The following SLC29A1 variants were observed in gnomAD, a reference collection of about 807,000 sequenced individuals.
The protein encoded by SLC29A1 is equilibrative nucleoside transporter 1.
In SLC29A1, 22 loss-of-function variants were observed where a neutral mutation model predicts 48.3. The ratio of observed to expected loss-of-function variants is 0.46; its 90% CI spans 0.33 to 0.65. The LOEUF (loss-of-function observed/expected upper bound fraction) is 0.65. Among genes scored for constraint, SLC29A1 ranks in the 30% least tolerant of loss-of-function variants. The pLI, the probability that SLC29A1 is intolerant of heterozygous loss-of-function variation, is 0.03. For missense variants in SLC29A1, 491 were observed against 575.3 expected, an observed-to-expected ratio of 0.85 and a Z score of 1.50; for synonymous variants, 228 against 231.0, an observed-to-expected ratio of 0.99 and a Z score of 0.12.
Position 44,230,611 on chromosome 6 carries a change from A to G in SLC29A1, c.633A>G (p.Thr211=), listed in dbSNP as rs76182139. ...AAAGTGCCTTCGGCTACTTTATCAC[A>G]GCCTGTGCTGTTATCATTTTGACCA... is the stretch of plus-strand genomic sequence containing the variant. ...LSESAFGYFI[T]ACAVIILTII... Residue 211 remains threonine, a synonymous_variant, in exon 7 of 13, where the codon ACA becomes ACG. Transcript: ENST00000371755. The G allele has an allele frequency of 1.2e-6, 2 of 1,611,212 alleles. No individual in the cohort carries two copies. The highest frequency in any genetic ancestry group is 1.7e-6 in the Non-Finnish European group (2 of 1,179,370).
chr6:44,233,980 CTG>C lies in SLC29A1; in HGVS notation c.*456_*457del, dbSNP rs1779418746. On this transcript the variant is annotated 3_prime_UTR_variant, in exon 13 of 13. Transcript: ENST00000371755. ...TCCATTCTCCCCTGCGCCTCCTCCT[CTG>C]TGTTCTCTCCATGTCCCCCTCCCAA... 1.2e-5 allele frequency: 2 copies of C among 170,162 alleles called. No individual in the cohort carries two copies. Among genetic ancestry groups the C allele is most frequent in the South Asian group, 2.9e-4 (2 of 6,938 alleles). The allele number at this position is 170,162 out of a possible 1,614,324, so 10.5% of individuals were successfully genotyped here.
Position 44,227,255 on chromosome 6 carries a change from C to T in SLC29A1, c.-51-8C>T, listed in dbSNP as rs769844794. On this transcript the variant is annotated splice_region_variant and splice_polypyrimidine_tract_variant and intron_variant, in intron 1 of 12. Coordinates refer to ENST00000371755, the MANE Select transcript of SLC29A1 (RefSeq NM_001372327.1). Reference sequence around the variant, plus strand: ...GACAGGGCCTCACACTGTTCCTGCCCCCAGCAGGCCCCTGAGGGAGGGAGC... The same window carrying T: ...GACAGGGCCTCACACTGTTCCTGCCTCCAGCAGGCCCCTGAGGGAGGGAGC... 22 of 1,612,530 alleles carry T rather than the reference C, an allele frequency of 1.4e-5. No homozygotes were observed. The Admixed American group carries it at 1.5e-4, about 11-fold the overall frequency.
chr6:44,220,531 A>C (rs1447379925), upstream of SLC29A1, among the ~76,000 whole-genome samples: 1 of 149,656 alleles, frequency 6.7e-6, no homozygotes, highest in Non-Finnish European at 1.5e-5. Context: ...TATTTTGGTA[A>C]GGGCTGGGTG....
intron 6 of SLC29A1, 41 bp from the exon 7 acceptor site, chr6:44,230,527 G>A (rs768305700): frequency 6.2e-7 from 1 of 1,614,068 alleles, no homozygotes; most frequent in Non-Finnish European, 8.5e-7. Context: ...GTGGTGGGGA[G>A]AGGGGATGGG....
chr6:44,227,354 G>A lies in SLC29A1; in HGVS notation c.29+12G>A. On this transcript the variant is annotated intron_variant, in intron 2 of 12. Coordinates refer to ENST00000371755, the MANE Select transcript of SLC29A1 (RefSeq NM_001372327.1). ...CAGCCTCAGGACAGGTAAGGGGTAA[G>A]GGGCTGGGCTGTGGATCCAGGGAAT... 1.2e-6 allele frequency: 2 copies of A among 1,611,734 alleles called. No homozygotes were observed. The highest frequency in any genetic ancestry group is 1.7e-6 in the Non-Finnish European group (2 of 1,177,888).
Position 44,230,858 on chromosome 6 carries a change from G to A in SLC29A1, c.735G>A (p.Glu245=). Reference sequence around the variant, plus strand: ...AGCTCAAGCTTGAAGGACCCGGGGAGCAGGAGACCAAGTTGGACCTCATTA... The same window carrying A: ...AGCTCAAGCTTGAAGGACCCGGGGAACAGGAGACCAAGTTGGACCTCATTA... ...YQQLKLEGPG[E]QETKLDLISK... The change falls in exon 8 of 13, where the codon GAG becomes GAA. Residue 245 remains glutamate, a synonymous_variant. Transcript: ENST00000371755. 1.2e-6 allele frequency: 2 copies of A among 1,614,170 alleles called. No homozygotes were observed. Among genetic ancestry groups the A allele is most frequent in the Non-Finnish European group, 1.7e-6 (2 of 1,180,006 alleles).
In SLC29A1 at chr6:44,233,492, G is replaced by A; in HGVS notation, c.1335G>A (p.Gly445=). The A allele has an allele frequency of 6.2e-7, 1 of 1,614,102 alleles. No homozygotes were observed. Among genetic ancestry groups the A allele is most frequent in the Non-Finnish European group, 8.5e-7 (1 of 1,179,956 alleles). Residue 445 remains glycine, a synonymous_variant, in exon 13 of 13, where the codon GGG becomes GGA. Transcript: ENST00000371755. ...TCCTGTGTCTGGGTCTGGCACTGGG[G>A]GCTGTTTTCTCCTTCCTGTTCCGGG... ...AFFLCLGLAL[G]AVFSFLFRAI...
In SLC29A1 at chr6:44,230,638, C is replaced by T; in HGVS notation, c.660C>T (p.Ile220=). 2 of 1,607,346 alleles carry T rather than the reference C, an allele frequency of 1.2e-6. No homozygotes were observed. Among genetic ancestry groups the T allele is most frequent in the Non-Finnish European group, 1.7e-6 (2 of 1,176,840 alleles). Residue 220 remains isoleucine (I), a synonymous_variant, in exon 7 of 13, where the codon ATC becomes ATT. Coordinates refer to ENST00000371755, the MANE Select transcript of SLC29A1 (RefSeq NM_001372327.1). ...ITACAVIILT[I]ICYLGLPRLE... is the part of the protein sequence containing the mutation. ...CCTGTGCTGTTATCATTTTGACCAT[C>T]ATCTGTTACCTGGGCCTGCCCCGCC... is the stretch of plus-strand genomic sequence containing the variant.
At position 44,232,304 on chromosome 6, in the gene SLC29A1, C is replaced by T. The variant is rs763685318; in HGVS notation, c.974-39C>T. The stretch of plus-strand genomic sequence containing the variant: ...AAGGTTAGGCTTGCTATACCTGCCT[C>T]TGTGAGCCTGATAACCACCCGTTCA... On this transcript the variant is annotated intron_variant, in intron 10 of 12. Transcript: ENST00000371755. This position sits in a 1 kb window ranked among gnomAD's most constrained non-coding sequence, Gnocchi z 4.7. 6.9e-7 allele frequency: 1 copy of T among 1,447,764 alleles called. No homozygotes were observed. Among genetic ancestry groups the T allele is most frequent in the Non-Finnish European group, 9.7e-7 (1 of 1,028,170 alleles). The allele number at this position is 1,447,764 out of a possible 1,614,324, so 89.7% of individuals were successfully genotyped here. A position where few individuals can be genotyped will look rare whatever the true frequency, so the allele number is the denominator to read the frequency against.
At chr6:44,219,815 GCGGGGT>G, upstream of SLC29A1, 1 of 1,176,202 alleles carries the variant, frequency 8.5e-7, no homozygotes, top group Non-Finnish European at 1.1e-6. Flanking sequence ...GCCTGGCGGG[GCGGGGT>G]GGGGTGGGGG....
intron 8 of SLC29A1, 36 bp from the exon 9 acceptor site, chr6:44,231,328 C>G (rs1778816265): frequency 2.2e-6 from 3 of 1,364,784 alleles, no homozygotes; most frequent in African/African-American, 2.9e-5. Context: ...GTTGCTCTGT[C>G]TTCCCCACAA....
chr6:44,228,510 C>T (rs888665802), intron 2 of SLC29A1, among the ~76,000 whole-genome samples: 1 of 152,246 alleles, frequency 6.6e-6, no homozygotes, highest in African/African-American at 2.4e-5. Context: ...CAGGCTCCTG[C>T]ACTCTGGCCA....
chr6:44,230,773 C>T (rs752646403), intron 7 of SLC29A1, 38 bp from the exon 8 acceptor site: 45 of 1,590,676 alleles, frequency 2.8e-5, no homozygotes, highest in Non-Finnish European at 3.5e-5. Flanking sequence ...GGAGATTCTG[C>T]CTCTAAATCC....
At position 44,232,923 on chromosome 6, in the gene SLC29A1, C is replaced by A; in HGVS notation, c.1176C>A (p.His392Gln). The A allele has an allele frequency of 1.2e-6, 2 of 1,614,178 alleles. No individual in the cohort carries two copies. Among genetic ancestry groups the A allele is most frequent in the Non-Finnish European group, 1.7e-6 (2 of 1,180,052 alleles). ...GCTACCTGACTGTGGTCTTCGAGCA[C>A]GATGCCTGGTTCATCTTCTTCATGG... ...PRRYLTVVFE[H>Q]DAWFIFFMAA... Residue 392 changes from histidine to glutamine, a missense_variant, in exon 12 of 13, where the codon CAC (histidine) becomes CAA (glutamine). Coordinates refer to ENST00000371755, the MANE Select transcript of SLC29A1 (RefSeq NM_001372327.1). The surrounding 1 kb of genome is among the most constrained non-coding windows in gnomAD (Gnocchi z 4.7).
rs1582926392 is a variant in SLC29A1, at chr6:44,223,737, G to A, written c.-52+96G>A. 9.6e-7 allele frequency: 1 copy of A among 1,046,248 alleles called. No homozygotes were observed. Among genetic ancestry groups the A allele is most frequent in the Non-Finnish European group, 1.2e-6 (1 of 864,366 alleles). The allele number at this position is 1,046,248 out of a possible 1,614,324, so 64.8% of individuals were successfully genotyped here. A position where few individuals can be genotyped will look rare whatever the true frequency, so the allele number is the denominator to read the frequency against. On this transcript the variant is annotated intron_variant, in intron 1 of 12. Transcript: ENST00000371755. This position sits in a 1 kb window ranked among gnomAD's most constrained non-coding sequence, Gnocchi z 5.0. ...GGAGGGCAGGGAGGGCGGGCCTGAC[G>A]GCTCCGCAGCCCGGAGAAGGGACGC... is the stretch of plus-strand genomic sequence containing the variant.
chr6:44,221,686 G>GT, upstream of SLC29A1: 1 of 1,284,150 alleles, frequency 7.8e-7, no homozygotes, highest in Non-Finnish European at 1.0e-6. The surrounding 1 kb of genome is among the most constrained non-coding windows in gnomAD (Gnocchi z 4.2). Flanking sequence ...CAAGGCCTGT[G>GT]TAAGTTGGGG....
At position 44,229,620 on chromosome 6, in the gene SLC29A1, A is replaced by G. The variant is rs1440398738; in HGVS notation, c.143A>G (p.Asn48Ser). The G allele has an allele frequency of 1.2e-6, 2 of 1,614,138 alleles. No individual in the cohort carries two copies. The highest frequency in any genetic ancestry group is 1.1e-5 in the South Asian group (1 of 91,088). Reference sequence around the variant, plus strand: ...ACAAACCGCCTGGACATGTCCCAGAATGTGTCCTTGGTCACTGCTGAACTG... The same window carrying G: ...ACAAACCGCCTGGACATGTCCCAGAGTGTGTCCTTGGTCACTGCTGAACTG... ...YFTNRLDMSQNVSLVTAELSK... is the reference protein window; with the variant it reads ...YFTNRLDMSQSVSLVTAELSK... The change falls in exon 4 of 13, where the codon AAT becomes AGT. Residue 48 changes from asparagine to serine, a missense_variant. Coordinates refer to ENST00000371755, the MANE Select transcript of SLC29A1 (RefSeq NM_001372327.1). The surrounding 1 kb of genome is among the most constrained non-coding windows in gnomAD (Gnocchi z 5.1).
intron 9 of SLC29A1, among the ~76,000 whole-genome samples, chr6:44,231,741 GC>G (rs1008063512): frequency 6.6e-6 from 1 of 152,158 alleles, no homozygotes; most frequent in Non-Finnish European, 1.5e-5. Flanking sequence ...TGATTCTCCT[GC>G]CTCAGCCTCC....
chr6:44,226,954 G>C, intron 1 of SLC29A1: 1 of 1,112,732 alleles, frequency 9.0e-7, no homozygotes, highest in East Asian at 6.1e-5. Flanking sequence ...CTTCCCTCCT[G>C]CTCTCCACCC....
Sources: gnomAD v4.1 joint callset for allele counts (sites outside exome capture counted in the v4.1 genomes callset) on GRCh38, gnomAD v4.1.1 for gene constraint, Gnocchi (gnomAD v3.1) non-coding constraint, MANE v1.5 for transcripts, NCBI Gene and HGNC (gene_info 2026-07-23, HGNC 2026-07-21) for gene names.